Variants in PDE4B observed in about 807,000 individuals in gnomAD.
PDE4B encodes the protein phosphodiesterase 4B.
Under a neutral mutation model 82.2 loss-of-function variants are expected in PDE4B, and 20 were observed. The observed-to-expected ratio is 0.24, with a 90% CI of 0.17 to 0.35. The LOEUF is 0.35. Ranked by LOEUF, PDE4B falls within the 10% of genes least tolerant of loss-of-function variation. PDE4B has a pLI of 1.00. For missense variants in PDE4B, 655 were observed against 907.2 expected (o/e 0.72, Z 3.57); for synonymous variants, 320 against 318.9 (o/e 1.00, Z -0.04).
At chr1:66,227,914 G>T (rs1161435870) in intron 3 of PDE4B, among the ~76,000 whole-genome samples, 1 of 152,056 alleles carries the variant, frequency 6.6e-6, no homozygotes, top group Non-Finnish European at 1.5e-5. Context: ...GATTGCCCAG[G>T]TATAACACCC....
At chr1:65,823,070 AT>A (rs1645972228) in intron 1 of PDE4B, among the ~76,000 whole-genome samples, 1 of 151,954 alleles carries the variant, frequency 6.6e-6, no homozygotes, top group African/African-American at 2.4e-5. Flanking sequence ...AAAAATTCTT[AT>A]TCTTCTCTCC....
intron 3 of PDE4B, among the ~76,000 whole-genome samples, chr1:66,114,760 C>G (rs529061580): frequency 1.3e-5 from 2 of 151,746 alleles, no homozygotes; most frequent in Non-Finnish European, 2.9e-5. Context: ...CTCAGCCTCC[C>G]GGGTAGCTGG....
intron 3 of PDE4B, among the ~76,000 whole-genome samples, chr1:66,180,609 G>A (rs1647042752): frequency 6.6e-6 from 1 of 152,148 alleles, no homozygotes; most frequent in South Asian, 2.1e-4. Flanking sequence ...ATTCAAAAAG[G>A]CAAAAGAGGT....
intron 6 of PDE4B, among the ~76,000 whole-genome samples, chr1:66,263,801 G>A (rs1654851939): frequency 7.0e-6 from 1 of 142,570 alleles, no homozygotes; most frequent in African/African-American, 2.7e-5. Context: ...ACCTTTGATG[G>A]GTAGATTGTT....
chr1:66,353,804 A>G (rs1662017942), intron 8 of PDE4B, among the ~76,000 whole-genome samples: 1 of 152,200 alleles, frequency 6.6e-6, no homozygotes, highest in South Asian at 2.1e-4. Flanking sequence ...TTAAATCCTC[A>G]GATTTCTAAT....
intron 1 of PDE4B, among the ~76,000 whole-genome samples, chr1:65,877,578 G>T (rs1410046438): frequency 6.6e-6 from 1 of 151,712 alleles, no homozygotes; most frequent in African/African-American, 2.4e-5. Flanking sequence ...TCATGCCACT[G>T]TACCCCAGCC....
At position 65,848,548 on chromosome 1, in the gene PDE4B, TC is replaced by T. The variant is rs1437369195; in HGVS notation, c.-71+55301del. Among the ~76,000 whole-genome samples the T allele has an allele frequency of 4.6e-5, 7 of 152,310 alleles. No homozygotes were observed. The East Asian group carries it at 1.3e-3, about 29-fold the overall frequency. On this transcript the variant is annotated intron_variant, in intron 1 of 16. Transcript: ENST00000341517. ...TCTCTTGTGCCAACTTCTAGTCACT[TC>T]TTATGCCCTACTCTCAGCCCAAGCA...
chr1:66,023,986 A>T (rs1037402767), intron 3 of PDE4B, among the ~76,000 whole-genome samples: 1 of 152,098 alleles, frequency 6.6e-6, no homozygotes, highest in Non-Finnish European at 1.5e-5. Flanking sequence ...GATCTCAGTT[A>T]TACATATTTT....
At chr1:66,190,088 C>G (rs1483978418) in intron 3 of PDE4B, among the ~76,000 whole-genome samples, 1 of 152,184 alleles carries the variant, frequency 6.6e-6, no homozygotes, top group Non-Finnish European at 1.5e-5. Context: ...TTGGAGTTTA[C>G]TGGAGGTCCA....
intron 3 of PDE4B, among the ~76,000 whole-genome samples, chr1:66,212,960 C>T (rs1438515428): frequency 1.3e-5 from 2 of 152,250 alleles, no homozygotes; most frequent in African/African-American, 2.4e-5. Context: ...TAATGTGGTA[C>T]ATACCGCCTC....
chr1:66,368,628 T>A (rs1328318458), intron 15 of PDE4B, among the ~76,000 whole-genome samples, 159 bp from the exon 16 acceptor site: 7 of 152,222 alleles, frequency 4.6e-5, no homozygotes, highest in African/African-American at 1.7e-4. Flanking sequence ...CAGGCTAGCA[T>A]CATTGTAATT....
chr1:66,166,349 A>G (rs1282818484), intron 3 of PDE4B, among the ~76,000 whole-genome samples: 2 of 152,248 alleles, frequency 1.3e-5, no homozygotes, highest in Non-Finnish European at 2.9e-5. Context: ...TTTCTTAGCT[A>G]TGACACCAAT....
chr1:66,335,186 T>C (rs1034420483), intron 8 of PDE4B, among the ~76,000 whole-genome samples: 3 of 152,222 alleles, frequency 2.0e-5, no homozygotes, highest in South Asian at 2.1e-4. Context: ...CTGGAAGTGA[T>C]GTGAAGAAAT....
At chr1:65,829,356 T>C (rs1646055319) in intron 1 of PDE4B, among the ~76,000 whole-genome samples, 1 of 152,176 alleles carries the variant, frequency 6.6e-6, no homozygotes, top group Non-Finnish European at 1.5e-5. Context: ...TTTACAATTA[T>C]AATTACAAAC....
chr1:66,239,833 T>G (rs1652742640), intron 3 of PDE4B, among the ~76,000 whole-genome samples: 1 of 152,224 alleles, frequency 6.6e-6, no homozygotes, highest in African/African-American at 2.4e-5. Context: ...CATTTCTTGA[T>G]AGTGAAATGT....
Position 66,038,530 on chromosome 1 carries a change from C to T in PDE4B, c.281+119695C>T, listed in dbSNP as rs58331503. On this transcript the variant is annotated intron_variant, in intron 3 of 16. Transcript: ENST00000341517. Reference sequence around the variant, plus strand: ...AAGTTCAAGGGGAAGGATTCAGTACCTAGGGAATAGTAGAACATATGGAGG... The same window carrying T: ...AAGTTCAAGGGGAAGGATTCAGTACTTAGGGAATAGTAGAACATATGGAGG... Among the ~76,000 whole-genome samples, 1,289 of 151,534 alleles carry T rather than the reference C, an allele frequency of 8.5e-3. 17 individuals carry two copies. Among genetic ancestry groups the T allele is most frequent in the African/African-American group, 0.029 (1,205 of 41,138 alleles).
intron 1 of PDE4B, among the ~76,000 whole-genome samples, chr1:65,885,195 A>G (rs1416063160): frequency 6.6e-6 from 1 of 152,190 alleles, no homozygotes; most frequent in Non-Finnish European, 1.5e-5. Flanking sequence ...GGTGATCATT[A>G]AAAAGTCAGG....
At chr1:65,951,880 C>T (rs754736031) in intron 3 of PDE4B, among the ~76,000 whole-genome samples, 1 of 151,948 alleles carries the variant, frequency 6.6e-6, no homozygotes, top group Non-Finnish European at 1.5e-5. Context: ...TGGTTTGAAT[C>T]CCACTGTGAG....
intron 3 of PDE4B, among the ~76,000 whole-genome samples, chr1:66,226,984 A>G (rs1467049225): frequency 6.6e-6 from 1 of 152,244 alleles, no homozygotes; most frequent in Non-Finnish European, 1.5e-5. Context: ...AGCCAACAGG[A>G]CTTGCTGATG....
Sources: gnomAD v4.1 joint callset for allele counts (sites outside exome capture counted in the v4.1 genomes callset) on GRCh38, gnomAD v4.1.1 for gene constraint, MANE v1.5 for transcripts, NCBI Gene and HGNC (gene_info 2026-07-23, HGNC 2026-07-21) for gene names.